TBC1D19: variants seen among roughly 807,000 people sequenced by gnomAD.
TBC1D19 encodes TBC1 domain family, member 19.
In TBC1D19, 60 loss-of-function variants were observed where a neutral mutation model predicts 89.0. The observed-to-expected ratio is 0.67, with a 90% CI of 0.55 to 0.84. The LOEUF (loss-of-function observed/expected upper bound fraction) is 0.84, where lower values mean the gene tolerates loss of function less well. Ranked by LOEUF, TBC1D19 falls within the 40% of genes least tolerant of loss-of-function variation. TBC1D19 has a pLI of 0.00. For synonymous variants in TBC1D19, 189 were observed against 199.7 expected, an observed-to-expected ratio of 0.95 and a Z score of 0.45; for missense variants, 500 against 610.8, an observed-to-expected ratio of 0.82 and a Z score of 1.91.
chr4:26,598,398 TC>T (rs1740367594), intron 1 of TBC1D19, among the ~76,000 whole-genome samples: 1 of 115,402 alleles, frequency 8.7e-6, no homozygotes, highest in Non-Finnish European at 2.1e-5. Flanking sequence ...TAAATATTCT[TC>T]TTTTTTTTTT....
chr4:26,718,108 A>C, intron 14 of TBC1D19, 91 bp downstream of exon 14: 1 of 858,482 alleles, frequency 1.2e-6, no homozygotes, highest in Non-Finnish European at 1.8e-6. Flanking sequence ...GGTGTTGCCA[A>C]ATTATTATAA....
intron 12 of TBC1D19, 39 bp downstream of exon 12, chr4:26,683,788 A>C: frequency 6.6e-7 from 1 of 1,522,042 alleles, no homozygotes; most frequent in Middle Eastern, 1.7e-4. Flanking sequence ...TTTCATTAAT[A>C]TAATTTAGAA....
chr4:26,706,612 G>GT (rs1209052448), intron 13 of TBC1D19, among the ~76,000 whole-genome samples: 1 of 151,978 alleles, frequency 6.6e-6, no homozygotes, highest in African/African-American at 2.4e-5. Flanking sequence ...AGTTCCTGAA[G>GT]TTGCAAAGTT....
At chr4:26,610,236 T>G (rs941574711) in intron 1 of TBC1D19, among the ~76,000 whole-genome samples, 3 of 152,010 alleles carry the variant, frequency 2.0e-5, no homozygotes, top group Non-Finnish European at 4.4e-5. Context: ...TAAATTTATA[T>G]TTATGTTATA....
At chr4:26,685,467 A>C (rs544184761) in intron 12 of TBC1D19, among the ~76,000 whole-genome samples, 41 of 152,360 alleles carry the variant, frequency 2.7e-4, no homozygotes, top group African/African-American at 9.9e-4. Flanking sequence ...TTATACTAAC[A>C]TCATTTCCTT....
At chr4:26,621,177 TA>T (rs1742023253) in intron 4 of TBC1D19, among the ~76,000 whole-genome samples, 2 of 152,192 alleles carry the variant, frequency 1.3e-5, no homozygotes, top group Admixed American at 6.6e-5. Flanking sequence ...GGCAAAAAAC[TA>T]AGAATAAAAT....
At chr4:26,709,648 C>T (rs11721891) in intron 13 of TBC1D19, among the ~76,000 whole-genome samples, 55,071 of 151,690 alleles carry the variant, frequency 0.36, 11,291 homozygotes, top group Non-Finnish European at 0.47. Flanking sequence ...TGCATATATG[C>T]GGCTATGCTA....
At chr4:26,634,914 G>T (rs1400896348) in intron 4 of TBC1D19, among the ~76,000 whole-genome samples, 1 of 152,022 alleles carries the variant, frequency 6.6e-6, no homozygotes, top group Non-Finnish European at 1.5e-5. Flanking sequence ...AGCCTATGTT[G>T]TTCACGTGCC....
chr4:26,686,333 A>G (rs1450982018), intron 12 of TBC1D19, among the ~76,000 whole-genome samples: 2 of 152,144 alleles, frequency 1.3e-5, no homozygotes, highest in African/African-American at 2.4e-5. Context: ...ATGGAAAGTC[A>G]TAGATGTTCT....
the TBC1D19 span, among the ~76,000 whole-genome samples, chr4:26,829,463 A>G: frequency 6.6e-6 from 1 of 152,200 alleles, no homozygotes; most frequent in Non-Finnish European, 1.5e-5. Flanking sequence ...CTAAGCTCAA[A>G]TCAACACCCA....
chr4:26,829,542 G>T, the TBC1D19 span, among the ~76,000 whole-genome samples: 1,008 of 152,266 alleles, frequency 6.6e-3, 8 homozygotes, highest in Non-Finnish European at 0.011. Flanking sequence ...TGTTAGGGAG[G>T]AAAGGAAGCT....
At chr4:26,632,397 G>A (rs1742857360) in intron 4 of TBC1D19, among the ~76,000 whole-genome samples, 1 of 151,274 alleles carries the variant, frequency 6.6e-6, no homozygotes, top group Admixed American at 6.6e-5. Context: ...TTATAATAAG[G>A]AATACTAGAG....
chr4:26,632,919 T>C (rs1742888769), intron 4 of TBC1D19, among the ~76,000 whole-genome samples: 1 of 152,152 alleles, frequency 6.6e-6, no homozygotes, highest in Non-Finnish European at 1.5e-5. Context: ...GTCATCTCCA[T>C]CAAGTTGTTT....
At chr4:26,832,902 G>A in the TBC1D19 span, among the ~76,000 whole-genome samples, 1 of 152,158 alleles carries the variant, frequency 6.6e-6, no homozygotes, top group Non-Finnish European at 1.5e-5. Context: ...GCTGAGACAA[G>A]AAAATTGCTT....
At chr4:26,715,640 C>T (rs991588429) in intron 13 of TBC1D19, among the ~76,000 whole-genome samples, 1 of 152,086 alleles carries the variant, frequency 6.6e-6, no homozygotes, top group African/African-American at 2.4e-5. Context: ...CCATCCTGAG[C>T]TGGGGACAAG....
intron 11 of TBC1D19, among the ~76,000 whole-genome samples, chr4:26,677,888 C>T (rs1321213216): frequency 2.6e-5 from 4 of 152,272 alleles, no homozygotes; most frequent in African/African-American, 2.4e-5. Context: ...CATGTGGAAC[C>T]GTGAGTCAAT....
chr4:26,744,158 CAG>C (rs1718519935), intron 18 of TBC1D19, among the ~76,000 whole-genome samples: 1 of 151,512 alleles, frequency 6.6e-6, no homozygotes, highest in Non-Finnish European at 1.5e-5. Context: ...TATTTATAAA[CAG>C]AAAGTTATTC....
chr4:26,803,538 T>C, the TBC1D19 span, among the ~76,000 whole-genome samples: 174 of 152,304 alleles, frequency 1.1e-3, no homozygotes, highest in African/African-American at 3.9e-3. Flanking sequence ...AGTTCTCAAG[T>C]GTCACTTCGC....
At chr4:26,777,136 T>TTC in the TBC1D19 span, among the ~76,000 whole-genome samples, 1 of 8,136 alleles carries the variant, frequency 1.2e-4, no homozygotes, top group Non-Finnish European at 0.083. Flanking sequence ...CTCTCTCTTC[T>TTC]TTTTTTTTTT....
Sources: gnomAD v4.1 joint callset for allele counts (sites outside exome capture counted in the v4.1 genomes callset) on GRCh38, gnomAD v4.1.1 for gene constraint, MANE v1.5 for transcripts, NCBI Gene and HGNC (gene_info 2026-07-23, HGNC 2026-07-21) for gene names.